The following PRUNE2 variants were observed in gnomAD, a reference collection of about 807,000 sequenced individuals.
PRUNE2 encodes the protein prune homolog 2 with BCH domain, also known as protein prune homolog 2.
PRUNE2 carries 164 observed loss-of-function variants against 252.0 expected under a neutral mutation model. The observed-to-expected ratio is 0.65, with a 90% CI of 0.57 to 0.74. The LOEUF (loss-of-function observed/expected upper bound fraction) is 0.74. Among genes scored for constraint, PRUNE2 ranks in the 30% least tolerant of loss-of-function variants. The pLI, the probability that PRUNE2 is intolerant of heterozygous loss-of-function variation, is 0.00. For missense variants in PRUNE2, 3,495 were observed against 3,711.0 expected (o/e 0.94, Z 1.51); for synonymous variants, 1,292 against 1,350.2 (o/e 0.96, Z 0.94).
chr9:76,632,811 T>G (rs1010424341), intron 15 of PRUNE2, among the ~76,000 whole-genome samples: 5 of 152,252 alleles, frequency 3.3e-5, no homozygotes, highest in African/African-American at 1.2e-4. Flanking sequence ...TCCTCCTGCT[T>G]CAGCTTCCTG....
At chr9:76,748,587 C>A (rs1488401280) in intron 6 of PRUNE2, 1 of 152,146 alleles carries the variant, frequency 6.6e-6, no homozygotes, top group Non-Finnish European at 1.5e-5. Context: ...TATAAATACA[C>A]TAAAAACCAT....
intron 1 of PRUNE2, among the ~76,000 whole-genome samples, chr9:76,854,559 T>A (rs1281826637): frequency 6.6e-6 from 1 of 152,204 alleles, no homozygotes; most frequent in African/African-American, 2.4e-5. Context: ...TATAAGATGT[T>A]CTTAATTTAA....
At chr9:76,655,911 AGAGG>A (rs1849030418) in intron 9 of PRUNE2, among the ~76,000 whole-genome samples, 1 of 152,210 alleles carries the variant, frequency 6.6e-6, no homozygotes, top group African/African-American at 2.4e-5. Flanking sequence ...TCCCATGGAC[AGAGG>A]GAGAGCATAT....
chr9:76,755,772 G>T (rs978734154), intron 6 of PRUNE2, among the ~76,000 whole-genome samples: 1 of 152,050 alleles, frequency 6.6e-6, no homozygotes, highest in Non-Finnish European at 1.5e-5. Flanking sequence ...ACGCAATCTC[G>T]GCTCACTGCA....
chr9:76,823,425 T>C (rs866882814), intron 6 of PRUNE2: 4 of 526,560 alleles, frequency 7.6e-6, no homozygotes, highest in Middle Eastern at 4.0e-4. Context: ...AGAGCATTCA[T>C]CTTGAGAATC....
At chr9:76,696,178 C>A (rs1343964605) in intron 9 of PRUNE2, among the ~76,000 whole-genome samples, 1 of 152,148 alleles carries the variant, frequency 6.6e-6, no homozygotes, top group African/African-American at 2.4e-5. Context: ...GTTACCCAAT[C>A]CTGCACTGAC....
chr9:76,871,624 T>A (rs2061204801), intron 1 of PRUNE2, among the ~76,000 whole-genome samples: 2 of 152,156 alleles, frequency 1.3e-5, no homozygotes, highest in African/African-American at 2.4e-5. Context: ...GGGGCAAATA[T>A]AAATTACTAT....
At chr9:76,836,229 T>C (rs908489514) in intron 4 of PRUNE2, among the ~76,000 whole-genome samples, 3 of 151,432 alleles carry the variant, frequency 2.0e-5, no homozygotes, top group Non-Finnish European at 4.4e-5. Context: ...CGAATACAGG[T>C]GAGGACTCTG....
At chr9:76,756,025 G>A (rs766365354) in intron 6 of PRUNE2, among the ~76,000 whole-genome samples, 6 of 152,076 alleles carry the variant, frequency 3.9e-5, no homozygotes, top group Non-Finnish European at 7.4e-5. Flanking sequence ...TTTGAGGAGC[G>A]AAACTTTCAA....
At chr9:76,619,505 C>A in intron 17 of PRUNE2, 118 bp from the exon 18 acceptor site, 1 of 701,540 alleles carries the variant, frequency 1.4e-6, no homozygotes, top group South Asian at 1.6e-5. Flanking sequence ...TAATACTGAA[C>A]AAATCCATAC....
intron 6 of PRUNE2, among the ~76,000 whole-genome samples, chr9:76,749,557 T>C (rs188299032): frequency 8.5e-5 from 13 of 152,350 alleles, no homozygotes; most frequent in African/African-American, 3.1e-4. Flanking sequence ...TTAAAAACCC[T>C]TGCGTGTAAC....
chr9:76,849,364 ACC>A (rs2059832749), intron 3 of PRUNE2, among the ~76,000 whole-genome samples: 1 of 152,186 alleles, frequency 6.6e-6, no homozygotes, highest in Admixed American at 6.5e-5. Flanking sequence ...TAATCAAATG[ACC>A]TTCATAGCCC....
chr9:76,655,363 A>G (rs961499395), intron 10 of PRUNE2, 60 bp downstream of exon 10: 23 of 1,177,918 alleles, frequency 2.0e-5, no homozygotes, highest in Admixed American at 7.7e-5. Flanking sequence ...CTTTCACTGA[A>G]TAATGAAAAC....
Position 76,641,741 on chromosome 9 carries a change from C to A in PRUNE2, c.8728+2998G>T, listed in dbSNP as rs867709304. ...GCTGGGTGGGGTGCATGAGCAACCC[C>A]CCCCCAGGAGTCTCCTGAGACCCTC... is the stretch of plus-strand genomic sequence containing the variant. On this transcript the variant is annotated intron_variant, in intron 12 of 18. Transcript: ENST00000376718. Among the ~76,000 whole-genome samples the A allele has an allele frequency of 3.4e-4, 51 of 151,912 alleles. 2 individuals are homozygous for A. The South Asian group carries it at 9.3e-3, about 28-fold the overall frequency.
chr9:76,814,285 C>T (rs1012278980), intron 6 of PRUNE2, among the ~76,000 whole-genome samples: 7 of 152,164 alleles, frequency 4.6e-5, no homozygotes, highest in African/African-American at 1.7e-4. Context: ...TTCTGAGACA[C>T]CTGAGGTTAG....
intron 6 of PRUNE2, among the ~76,000 whole-genome samples, chr9:76,814,327 T>A (rs977778680): frequency 2.6e-5 from 4 of 152,020 alleles, no homozygotes; most frequent in Non-Finnish European, 5.9e-5. Context: ...TCCATCTGAG[T>A]CTCTTAGAAA....
intron 6 of PRUNE2, chr9:76,788,284 T>C (rs2055209152): frequency 1.7e-6 from 1 of 602,792 alleles, no homozygotes; most frequent in African/African-American, 1.9e-5. Flanking sequence ...CAAACAGATA[T>C]ATTCTAGTCG....
At position 76,710,173 on chromosome 9, in the gene PRUNE2, A is replaced by G. The variant is rs754366192; in HGVS notation, c.2101T>C (p.Ser701Pro). Reference sequence around the variant, plus strand: ...TCGAGGCTCTTTGGTTGAAATACAGAATCTGAGGCTCTCCTATCAATGGAG... The same window carrying G: ...TCGAGGCTCTTTGGTTGAAATACAGGATCTGAGGCTCTCCTATCAATGGAG... ...PSSIDRRASD[S>P]VFQPKSLEFT... Residue 701 changes from serine (S) to proline (P), a missense_variant, in exon 8 of 19, where the codon TCT becomes CCT. Coordinates refer to ENST00000376718, the MANE Select transcript of PRUNE2 (RefSeq NM_015225.3). 1 of 1,613,866 alleles carries G rather than the reference A, an allele frequency of 6.2e-7. No individual in the cohort carries two copies. The highest frequency in any genetic ancestry group is 8.5e-7 in the Non-Finnish European group (1 of 1,179,846).
intron 9 of PRUNE2, among the ~76,000 whole-genome samples, chr9:76,680,130 A>G (rs561496508): frequency 1.3e-5 from 2 of 152,334 alleles, no homozygotes; most frequent in South Asian, 4.1e-4. Context: ...TATCTAGAAT[A>G]CATAAAGAAC....
Sources: gnomAD v4.1 joint callset for allele counts (sites outside exome capture counted in the v4.1 genomes callset) on GRCh38, gnomAD v4.1.1 for gene constraint, MANE v1.5 for transcripts, NCBI Gene and HGNC (gene_info 2026-07-23, HGNC 2026-07-21) for gene names.